STMN1: variants seen among roughly 807,000 people sequenced by gnomAD.
STMN1 encodes the protein stathmin.
STMN1 carries 3 observed loss-of-function variants against 19.7 expected under a neutral mutation model. The ratio of observed to expected loss-of-function variants is 0.15; its 90% confidence interval spans 0.07 to 0.39. STMN1 has a LOEUF of 0.39. Among genes scored for constraint, STMN1 ranks in the 10% least tolerant of loss-of-function variants. The probability of loss-of-function intolerance (pLI) is 1.00; values close to 1 mark genes in which losing one functional copy is unlikely to be tolerated. For synonymous variants in STMN1, 59 were observed against 58.9 expected, an observed-to-expected ratio of 1.00 and a Z score of -0.01; for missense variants, 99 against 176.0, an observed-to-expected ratio of 0.56 and a Z score of 2.48.
intron 3 of STMN1, 184 bp from the exon 4 acceptor site, chr1:25,901,866 C>T (rs187805429): frequency 2.6e-5 from 11 of 417,152 alleles, no homozygotes; most frequent in Admixed American, 9.0e-5. Context: ...AAAAATTAGC[C>T]GGGCGTGGTG....
chr1:25,888,762 C>T (rs937186547), intron 4 of STMN1, among the ~76,000 whole-genome samples: 2 of 152,150 alleles, frequency 1.3e-5, no homozygotes, highest in African/African-American at 4.8e-5. Context: ...ATCTCCCTGT[C>T]CCAGCCATCA....
intron 1 of STMN1, 50 bp from the exon 2 acceptor site, chr1:25,904,788 T>C: frequency 6.8e-7 from 1 of 1,476,316 alleles, no homozygotes. Context: ...CCTTTCTATA[T>C]GTCATCAACC....
rs190412422 is a variant in STMN1, at chr1:25,893,229, T to C, written c.379-7360A>G. Among the ~76,000 whole-genome samples, 164 of 152,370 alleles carry C rather than the reference T, an allele frequency of 1.1e-3. 2 individuals carry two copies. The highest frequency in any genetic ancestry group is 2.1e-3 in the South Asian group (10 of 4,834). ...ACCTTGTAAAATTGTTATAAAAGTT[T>C]CTAAATGCTTACTTTCAATTTCTGT... On this transcript the variant is annotated intron_variant, in intron 4 of 4. Transcript: ENST00000426559.
rs368419787 is a variant in STMN1 at position 25,885,852 on chromosome 1, G to A, written c.396C>T (p.His132=). Residue 132 remains histidine, a synonymous_variant, in exon 5 of 5, where the codon CAC becomes CAT. Coordinates refer to the STMN1 transcript ENST00000426559. The stretch of plus-strand genomic sequence containing the variant: ...TCTGTGCTGGGTGGGCCCCAGGCCC[G>A]TGAGTCCAGAAGTACATCTGGAAGA... The A allele has an allele frequency of 6.3e-5, 97 of 1,549,574 alleles. No individual in the cohort carries two copies. In the African/African-American group the frequency reaches 1.0e-3, roughly 16 times the overall value.
intron 4 of STMN1, among the ~76,000 whole-genome samples, chr1:25,894,427 C>T (rs1277604993): frequency 3.9e-5 from 6 of 152,130 alleles, no homozygotes; most frequent in African/African-American, 1.2e-4. Context: ...TGCCTGTAAT[C>T]GCAGCACTCT....
intron 4 of STMN1, among the ~76,000 whole-genome samples, chr1:25,889,603 C>T (rs1229200328): frequency 6.6e-6 from 1 of 152,184 alleles, no homozygotes; most frequent in Non-Finnish European, 1.5e-5. Flanking sequence ...CCATGACCCT[C>T]CACCTCACTG....
At position 25,900,163 on chromosome 1, in the gene STMN1, CAT is replaced by C; in HGVS notation, c.*851_*852del. The C allele has an allele frequency of 1.0e-6, 1 of 985,820 alleles. No homozygotes were observed. The highest frequency in any genetic ancestry group is 1.2e-6 in the Non-Finnish European group (1 of 829,932). The allele number at this position is 985,820 out of a possible 1,614,324, so 61.1% of individuals were successfully genotyped here. On this transcript the variant is annotated 3_prime_UTR_variant, in exon 5 of 5. Transcript: ENST00000455785. ...TTTATTAATATTCTGATTCTCGTGTCATAGCTTTTATGGCAGGAAAGGATGAG... is the reference window on the plus strand; with the variant it reads ...TTTATTAATATTCTGATTCTCGTGTCAGCTTTTATGGCAGGAAAGGATGAG...
chr1:25,894,912 C>T (rs2048805448), intron 4 of STMN1, among the ~76,000 whole-genome samples: 1 of 151,804 alleles, frequency 6.6e-6, no homozygotes, highest in Admixed American at 6.6e-5. Flanking sequence ...CTCCAAAGGT[C>T]TGAGGGTCCT....
chr1:25,903,905 T>C, intron 2 of STMN1, 92 bp from the exon 3 acceptor site: 2 of 1,323,756 alleles, frequency 1.5e-6, no homozygotes, highest in Non-Finnish European at 2.0e-6. Context: ...ATCAATTTAA[T>C]GTATTAAACT....
intron 4 of STMN1, 32 bp from the exon 5 acceptor site, chr1:25,901,119 A>C: frequency 1.1e-5 from 3 of 278,096 alleles, no homozygotes; most frequent in Non-Finnish European, 1.3e-5. Context: ...TCATCAGTCA[A>C]AAAAAAAAAA....
downstream of STMN1, among the ~76,000 whole-genome samples, chr1:25,899,579 A>G (rs975593172): frequency 6.6e-6 from 1 of 152,252 alleles, no homozygotes. Flanking sequence ...AGGAATATAA[A>G]AACTGCATAA....
Position 25,904,722 on chromosome 1 carries a change from C to T in STMN1, c.-46G>A. 1.2e-6 allele frequency: 2 copies of T among 1,607,490 alleles called. No homozygotes were observed. The highest frequency in any genetic ancestry group is 1.7e-6 in the Non-Finnish European group (2 of 1,178,044). Reference sequence around the variant, plus strand: ...CAGGCAGTGTATTCTGCACAATCAACTGGGATAAGGAAAGTCCTGAAAATG... The same window carrying T: ...CAGGCAGTGTATTCTGCACAATCAATTGGGATAAGGAAAGTCCTGAAAATG... On this transcript the variant is annotated 5_prime_UTR_variant, in exon 2 of 5. Transcript: ENST00000455785.
chr1:25,901,051 A>G lies in STMN1; in HGVS notation c.415T>C (p.Ser139Pro), dbSNP rs2048866117. The change falls in exon 5 of 5, where the codon TCC (serine) becomes CCC (proline). Residue 139 changes from serine to proline, a missense_variant. Around this residue, in one of 3 missense-constraint regions of STMN1, gnomAD observed 54 missense variants for 79.4 expected, o/e 0.68. Transcript: ENST00000455785. The part of the protein sequence containing the change: ...HIEEVRKNKE[S>P]KDPADETEAD ...TCAGTCTCGTCAGCAGGGTCTTTGGATTCTTTGTTCTTCCGCACTTCTTCA... is the reference window on the plus strand; with the variant it reads ...TCAGTCTCGTCAGCAGGGTCTTTGGGTTCTTTGTTCTTCCGCACTTCTTCA... 6.4e-7 allele frequency: 1 copy of G among 1,555,804 alleles called. No homozygotes were observed. Among genetic ancestry groups the G allele is most frequent in the Non-Finnish European group, 8.7e-7 (1 of 1,147,924 alleles).
At chr1:25,890,361 G>A (rs924782275) in intron 4 of STMN1, among the ~76,000 whole-genome samples, 1 of 152,326 alleles carries the variant, frequency 6.6e-6, no homozygotes, top group Middle Eastern at 3.4e-3. Context: ...CTTCTGAAAG[G>A]TCAGAGGGCT....
intron 3 of STMN1, 135 bp downstream of exon 3, chr1:25,903,506 T>C: frequency 8.4e-7 from 1 of 1,184,430 alleles, no homozygotes; most frequent in South Asian, 1.4e-5. Flanking sequence ...TGAGGACTGG[T>C]ATTTCCTTCC....
chr1:25,901,211 C>T (rs541564128), intron 4 of STMN1, 124 bp from the exon 5 acceptor site: 9 of 1,480,884 alleles, frequency 6.1e-6, no homozygotes, highest in South Asian at 2.7e-5. Context: ...ATATTACAGC[C>T]TGTGGGAACC....
intron 4 of STMN1, among the ~76,000 whole-genome samples, chr1:25,893,154 G>GA (rs373238303): frequency 6.6e-6 from 1 of 152,058 alleles, no homozygotes; most frequent in African/African-American, 2.4e-5. Context: ...AAAACGAAAT[G>GA]AAAAAGGTGA....
Position 25,903,853 on chromosome 1 carries a change from C to A in STMN1, c.14-40G>T, listed in dbSNP as rs2048904408. ...ATTTATAATTCAGAAAACCAGGATT[C>A]TCCTGTTCTAATAAACTGTACTATA... On this transcript the variant is annotated intron_variant, in intron 2 of 4. Coordinates refer to ENST00000455785, the MANE Select transcript of STMN1 (RefSeq NM_005563.4). 5 of 1,560,180 alleles carry A rather than the reference C, an allele frequency of 3.2e-6. No individual in the cohort carries two copies. In the South Asian group the frequency reaches 6.0e-5, roughly 19 times the overall value.
chr1:25,892,554 C>A (rs542422996), intron 4 of STMN1: 1 of 983,574 alleles, frequency 1.0e-6, no homozygotes, highest in South Asian at 4.7e-5. Flanking sequence ...GATGCCACCA[C>A]GGCTGAGCCG....
Sources: allele counts gnomAD v4.1 joint callset (sites outside exome capture counted in the v4.1 genomes callset), GRCh38; gene constraint gnomAD v4.1.1; regional missense constraint gnomAD v4.1.1; transcripts MANE v1.5; gene names NCBI Gene and HGNC (gene_info 2026-07-23, HGNC 2026-07-21).